The following SHC3 variants were observed in gnomAD, a reference collection of about 807,000 sequenced individuals.
SHC3 encodes the protein SHC adaptor protein 3.
SHC3 carries 15 observed loss-of-function variants against 60.4 expected under a neutral mutation model. That is an observed-to-expected ratio of 0.25 (90% CI 0.17 to 0.38). The LOEUF is 0.38. Ranked by LOEUF, SHC3 falls within the 10% of genes least tolerant of loss-of-function variation. The pLI, the probability that SHC3 is intolerant of heterozygous loss-of-function variation, is 1.00. For synonymous variants in SHC3, 294 were observed against 325.9 expected (o/e 0.90, Z 1.05); for missense variants, 677 against 786.1 (o/e 0.86, Z 1.66).
rs1349172066 is a variant in SHC3 at position 89,008,734 on chromosome 9, C to G, written c.*4713G>C. The G allele has an allele frequency of 6.6e-6, 1 of 152,186 alleles. No homozygotes were observed. Among genetic ancestry groups the G allele is most frequent in the Non-Finnish European group, 1.5e-5 (1 of 68,054 alleles). 9.4% of individuals were successfully genotyped at this position (152,186 alleles called of 1,614,324 possible). A position where few individuals can be genotyped will look rare whatever the true frequency, so the allele number is the denominator to read the frequency against. On this transcript the variant is annotated 3_prime_UTR_variant, in exon 12 of 12. Coordinates refer to ENST00000375835, the MANE Select transcript of SHC3 (RefSeq NM_016848.6). ...TAGACTTGGTGAATAAATACCCCAG[C>G]TGTCTCCCCGCCTTGCTGGGTGAAC...
intron 11 of SHC3, among the ~76,000 whole-genome samples, chr9:89,022,977 G>A (rs1826230553): frequency 6.6e-6 from 1 of 152,180 alleles, no homozygotes; most frequent in African/African-American, 2.4e-5. Flanking sequence ...TCTAAATCAA[G>A]AAGACAAGAA....
chr9:89,066,596 C>T (rs911001097), intron 5 of SHC3, among the ~76,000 whole-genome samples: 2 of 152,126 alleles, frequency 1.3e-5, no homozygotes, highest in African/African-American at 2.4e-5. Context: ...GCAGAAAAGA[C>T]TCCTCTGCAA....
At chr9:89,063,369 C>A (rs1587705634) in intron 6 of SHC3, among the ~76,000 whole-genome samples, 2 of 152,348 alleles carry the variant, frequency 1.3e-5, no homozygotes, top group Middle Eastern at 6.8e-3. Flanking sequence ...ACCTCATGAT[C>A]TGCCCGCCTC....
chr9:89,126,201 A>G (rs921630551), intron 1 of SHC3, among the ~76,000 whole-genome samples: 1 of 152,174 alleles, frequency 6.6e-6, no homozygotes, highest in Non-Finnish European at 1.5e-5. Context: ...ATAGGGTTAG[A>G]GACCCAACTT....
intron 1 of SHC3, among the ~76,000 whole-genome samples, chr9:89,133,159 A>C (rs1445633298): frequency 6.6e-6 from 1 of 152,236 alleles, no homozygotes; most frequent in Non-Finnish European, 1.5e-5. Context: ...CACATGAAAA[A>C]ATGCTCATCA....
At chr9:89,175,976 TTC>T (rs1178953158) in intron 1 of SHC3, among the ~76,000 whole-genome samples, 3 of 152,224 alleles carry the variant, frequency 2.0e-5, no homozygotes, top group African/African-American at 7.2e-5. Flanking sequence ...GCATCTGGTT[TTC>T]TTTCTGCGTG....
chr9:89,045,656 A>C, intron 9 of SHC3, 90 bp downstream of exon 9: 1 of 1,096,502 alleles, frequency 9.1e-7, no homozygotes, highest in Non-Finnish European at 1.4e-6. Context: ...TCACTCTGTC[A>C]GTCCACAGAA....
At chr9:89,027,327 A>ATTTTTTT (rs540788767) in intron 11 of SHC3, among the ~76,000 whole-genome samples, 1 of 130,350 alleles carries the variant, frequency 7.7e-6, no homozygotes. Flanking sequence ...TGAAATTCTG[A>ATTTTTTT]TTTTTTTTTT....
chr9:89,091,932 TA>T (rs144021551), intron 2 of SHC3, among the ~76,000 whole-genome samples: 10,108 of 151,846 alleles, frequency 0.067, 468 homozygotes, highest in Middle Eastern at 0.12. Context: ...GAGACTCCAA[TA>T]AAAAAAATGG....
At chr9:89,174,564 C>T (rs548877630) in intron 1 of SHC3, among the ~76,000 whole-genome samples, 1 of 152,340 alleles carries the variant, frequency 6.6e-6, no homozygotes, top group African/African-American at 2.4e-5. Flanking sequence ...GCACCTAAAA[C>T]CATTGCTTTT....
chr9:89,114,050 C>A (rs1475546892), intron 1 of SHC3, among the ~76,000 whole-genome samples: 6 of 152,132 alleles, frequency 3.9e-5, no homozygotes, highest in Non-Finnish European at 8.8e-5. Flanking sequence ...TGAAAACCAC[C>A]ACCTATGTCA....
intron 2 of SHC3, among the ~76,000 whole-genome samples, chr9:89,090,890 T>C (rs1228124741): frequency 6.6e-6 from 1 of 152,106 alleles, no homozygotes; most frequent in Non-Finnish European, 1.5e-5. Context: ...TTCCCTCTAA[T>C]AGAAATGGAA....
chr9:89,007,037 GA>G lies in SHC3; in HGVS notation c.*6409del, dbSNP rs1564067837. On this transcript the variant is annotated 3_prime_UTR_variant, in exon 12 of 12. Transcript: ENST00000375835. ...ACAAAATAGACACCTAAAATTGTAT[GA>G]GATTTTATTCCTGGTGCTTTTTCAG... 6.6e-6 allele frequency: 1 copy of G among 152,194 alleles called. No individual in the cohort carries two copies. The allele number at this position is 152,194 out of a possible 1,614,324, so 9.4% of individuals were successfully genotyped here. A position where few individuals can be genotyped will look rare whatever the true frequency, so the allele number is the denominator to read the frequency against.
intron 11 of SHC3, among the ~76,000 whole-genome samples, chr9:89,031,074 T>TG (rs1020971026): frequency 1.3e-5 from 2 of 152,226 alleles, no homozygotes; most frequent in South Asian, 2.1e-4. Context: ...ATTTTAGAGA[T>TG]GGGGTCTCAC....
chr9:89,053,040 TGGAAAATA>T (rs963931028), intron 6 of SHC3, among the ~76,000 whole-genome samples: 1 of 152,200 alleles, frequency 6.6e-6, no homozygotes, highest in Non-Finnish European at 1.5e-5. Flanking sequence ...TCCAGGGTAC[TGGAAAATA>T]CCTCTACTCT....
At chr9:89,102,807 T>C (rs572944407) in intron 2 of SHC3, among the ~76,000 whole-genome samples, 1 of 152,358 alleles carries the variant, frequency 6.6e-6, no homozygotes, top group East Asian at 1.9e-4. Flanking sequence ...AACCCATTGA[T>C]GATGTTAAGT....
intron 2 of SHC3, among the ~76,000 whole-genome samples, chr9:89,084,326 T>C (rs2118035123): frequency 6.6e-6 from 1 of 152,332 alleles, no homozygotes; most frequent in Non-Finnish European, 1.5e-5. Context: ...TACTGGTTGG[T>C]AATTATTAAA....
In SHC3 at chr9:89,089,432, G is replaced by A. The variant is rs544083397; in HGVS notation, c.546-11529C>T. On this transcript the variant is annotated intron_variant, in intron 2 of 11. Transcript: ENST00000375835. ...CTGGGGGGTGGAGCAGGAGGGAACT[G>A]GGACCTGGGGCAGAGTGTCCAGCTT... is the stretch of plus-strand genomic sequence containing the variant. Among the ~76,000 whole-genome samples, 5 of 152,288 alleles carry A rather than the reference G, an allele frequency of 3.3e-5. No individual in the cohort carries two copies. In the South Asian group the frequency reaches 1.0e-3, roughly 32 times the overall value.
chr9:89,164,414 G>A (rs1447990916), intron 1 of SHC3, among the ~76,000 whole-genome samples: 1 of 152,176 alleles, frequency 6.6e-6, no homozygotes, highest in Admixed American at 6.5e-5. Flanking sequence ...CAGAGGGGAA[G>A]AGTTTGAGCT....
Sources: allele counts gnomAD v4.1 joint callset (sites outside exome capture counted in the v4.1 genomes callset), GRCh38; gene constraint gnomAD v4.1.1; transcripts MANE v1.5; gene names NCBI Gene and HGNC (gene_info 2026-07-23, HGNC 2026-07-21).